Variants in LPA observed in about 807,000 individuals in gnomAD.
LPA encodes lipoprotein(a), also known as apolipoprotein(a).
A neutral mutation model predicts 197.9 loss-of-function variants in LPA; 199 were observed. That is an observed-to-expected ratio of 1.01 (90% CI 0.90 to 1.13). The LOEUF (loss-of-function observed/expected upper bound fraction) is 1.13. Among genes scored for constraint, LPA ranks in the 50% most tolerant of loss-of-function variants. The pLI, the probability that LPA is intolerant of heterozygous loss-of-function variation, is 0.00. For missense variants in LPA, 1,853 were observed against 1,785.8 expected (o/e 1.04, Z -0.68); for synonymous variants, 715 against 639.5 (o/e 1.12, Z -1.78).
intron 16 of LPA, among the ~76,000 whole-genome samples, chr6:160,610,597 G>A: frequency 6.6e-6 from 1 of 152,142 alleles, no homozygotes; most frequent in East Asian, 1.9e-4. Flanking sequence ...GCAGTGTCAT[G>A]TGAGGCCAAC....
Position 160,542,687 on chromosome 6 carries a change from C to T in LPA, c.5519+1G>A. On this transcript the variant is annotated splice_donor_variant, in intron 34 of 38. Coordinates refer to ENST00000316300, the MANE Select transcript of LPA (RefSeq NM_005577.4). LOFTEE classifies it high-confidence loss of function. The stretch of plus-strand genomic sequence containing the variant: ...TAGATGGTTTCTGGGCCTGTTCTTA[C>T]CTTGTTCTGAGACTGACTTGCCAGG... The T allele has an allele frequency of 1.9e-6, 3 of 1,613,334 alleles. No individual in the cohort carries two copies. Among genetic ancestry groups the T allele is most frequent in the Non-Finnish European group, 2.5e-6 (3 of 1,179,904 alleles).
chr6:160,635,036 C>A (rs1779783750), intron 7 of LPA, 87 bp downstream of exon 7: 3 of 1,503,374 alleles, frequency 2.0e-6, no homozygotes, highest in South Asian at 1.1e-5. Context: ...ATCCGTTTAC[C>A]ATTGAAGGCG....
At chr6:160,541,072 G>A (rs1346425038) in intron 35 of LPA, 35 bp downstream of exon 35, 1 of 1,588,488 alleles carries the variant, frequency 6.3e-7, no homozygotes, top group South Asian at 1.1e-5. Flanking sequence ...AAGTCTTGAA[G>A]ATAAGACCCC....
At chr6:160,558,649 G>C (rs948242817) in intron 28 of LPA, among the ~76,000 whole-genome samples, 2 of 152,164 alleles carry the variant, frequency 1.3e-5, no homozygotes, top group African/African-American at 4.8e-5. Context: ...AGAACAGTGG[G>C]ACCCAAGTCA....
chr6:160,580,694 G>T (rs1275021823), intron 26 of LPA, among the ~76,000 whole-genome samples: 1 of 152,088 alleles, frequency 6.6e-6, no homozygotes, highest in Non-Finnish European at 1.5e-5. Flanking sequence ...GTGATTGTTG[G>T]CTCTGTGTGC....
At chr6:160,610,113 A>AGCCTGTTTGTATT (rs757189003) in intron 16 of LPA, among the ~76,000 whole-genome samples, 3 of 151,974 alleles carry the variant, frequency 2.0e-5, no homozygotes, top group African/African-American at 7.3e-5. Context: ...GTCATTTCTG[A>AGCCTGTTTGTATT]GCCTGTTTGT....
At chr6:160,656,433 G>A (rs1266289732) in intron 1 of LPA, among the ~76,000 whole-genome samples, 2 of 152,128 alleles carry the variant, frequency 1.3e-5, no homozygotes, top group Admixed American at 6.5e-5. Flanking sequence ...ATGACCAGAG[G>A]ATAAGTCCAG....
At chr6:160,534,986 A>G (rs1777863697) in intron 37 of LPA, among the ~76,000 whole-genome samples, 1 of 144,910 alleles carries the variant, frequency 6.9e-6, no homozygotes, top group Non-Finnish European at 1.5e-5. Context: ...GCTGGTGATG[A>G]TGATGGTGGT....
intron 27 of LPA, among the ~76,000 whole-genome samples, 176 bp downstream of exon 27, chr6:160,578,347 C>T (rs1778724059): frequency 1.3e-5 from 2 of 152,072 alleles, no homozygotes; most frequent in Admixed American, 1.3e-4. Flanking sequence ...GACACTGCCT[C>T]CTCACAGCGT....
At chr6:160,589,826 G>A (rs1778991871) in intron 23 of LPA, 114 bp from the exon 24 acceptor site, 1 of 1,219,116 alleles carries the variant, frequency 8.2e-7, no homozygotes, top group Non-Finnish European at 1.2e-6. Flanking sequence ...ACCATGCTCT[G>A]TTCTACATTA....
At chr6:160,593,572 A>G (rs976198878) in intron 22 of LPA, among the ~76,000 whole-genome samples, 5 of 152,232 alleles carry the variant, frequency 3.3e-5, no homozygotes, top group Non-Finnish European at 4.4e-5. Context: ...TTGTTGCCCA[A>G]GATGAACATG....
chr6:160,566,735 T>C (rs935382408), intron 28 of LPA, among the ~76,000 whole-genome samples: 5 of 152,194 alleles, frequency 3.3e-5, no homozygotes, highest in Non-Finnish European at 7.3e-5. Flanking sequence ...GTGTGCTGTA[T>C]TCTGAAGACA....
intron 16 of LPA, among the ~76,000 whole-genome samples, chr6:160,610,501 A>G (rs930480357): frequency 5.3e-5 from 8 of 152,250 alleles, no homozygotes; most frequent in Admixed American, 3.3e-4. Flanking sequence ...CTATCTTCTT[A>G]ATTGAGCTTG....
intron 6 of LPA, among the ~76,000 whole-genome samples, chr6:160,635,718 C>G (rs2115087752): frequency 9.2e-6 from 1 of 108,396 alleles, no homozygotes; most frequent in South Asian, 2.8e-4. Flanking sequence ...GTCTCCGTAT[C>G]TCTCTCGGTA....
chr6:160,585,191 T>G lies in LPA; in HGVS notation c.4144A>C (p.Ser1382Arg). Residue 1382 changes from serine (S) to arginine (R), a missense_variant, in exon 26 of 39, where the codon AGC becomes CGC. Physicochemically the swap from Ser to Arg is moderately radical, Grantham distance 110. Coordinates refer to ENST00000316300, the MANE Select transcript of LPA (RefSeq NM_005577.4). The stretch of plus-strand genomic sequence containing the variant: ...CGGTAGCAGTCCTGGACCCCAGTGC[T>G]GTTTTCAGTTGGTGCTGAAATTAAA... ...LPSEEAPTEN[S>R]TGVQDCYRGD... 6.2e-7 allele frequency: 1 copy of G among 1,613,824 alleles called. No individual in the cohort carries two copies. Among genetic ancestry groups the G allele is most frequent in the Non-Finnish European group, 8.5e-7 (1 of 1,179,780 alleles).
At chr6:160,554,359 A>G (rs147810548) in intron 30 of LPA, among the ~76,000 whole-genome samples, 14 of 152,274 alleles carry the variant, frequency 9.2e-5, no homozygotes, top group African/African-American at 2.9e-4. Flanking sequence ...TGTGAATGCA[A>G]CATTACAGAG....
chr6:160,599,432 A>G, intron 20 of LPA, 68 bp downstream of exon 20: 1 of 1,599,750 alleles, frequency 6.3e-7, no homozygotes, highest in Non-Finnish European at 8.6e-7. Flanking sequence ...GTCACCTTGA[A>G]GCATGACTCT....
At chr6:160,586,167 C>T (rs539285905) in intron 25 of LPA, among the ~76,000 whole-genome samples, 54 of 152,262 alleles carry the variant, frequency 3.5e-4, no homozygotes, top group Non-Finnish European at 5.6e-4. Flanking sequence ...GAATATCCAT[C>T]TTGGCTAGGA....
chr6:160,588,365 T>C (rs1252999687), intron 24 of LPA, among the ~76,000 whole-genome samples: 1 of 152,156 alleles, frequency 6.6e-6, no homozygotes, highest in African/African-American at 2.4e-5. Flanking sequence ...ACCTTGATTC[T>C]AGGAATAAGA....
Sources: allele counts gnomAD v4.1 joint callset (sites outside exome capture counted in the v4.1 genomes callset), GRCh38; gene constraint gnomAD v4.1.1; transcripts MANE v1.5; gene names NCBI Gene and HGNC (gene_info 2026-07-23, HGNC 2026-07-21).